Variants in FGFR1 observed in about 807,000 individuals in gnomAD.
The protein encoded by FGFR1 is fibroblast growth factor receptor 1.
A neutral mutation model predicts 93.7 loss-of-function variants in FGFR1; 18 were observed. The observed-to-expected ratio is 0.19, with a 90% CI of 0.13 to 0.28. The LOEUF (loss-of-function observed/expected upper bound fraction) is 0.28, where lower values mean the gene tolerates loss of function less well. Ranked by LOEUF, FGFR1 falls within the 10% of genes least tolerant of loss-of-function variation. The pLI is 1.00. For synonymous variants in FGFR1, 448 were observed against 429.3 expected (o/e 1.04, Z -0.54); for missense variants, 731 against 1,080.4 (o/e 0.68, Z 4.53).
At chr8:38,423,256 G>A (rs916284659) in intron 7 of FGFR1, 1 of 745,362 alleles carries the variant, frequency 1.3e-6, no homozygotes, top group African/African-American at 1.7e-5. Context: ...TAACTTTCAG[G>A]CAGGCCCAGG....
chr8:38,417,636 T>C (rs1817163535), intron 11 of FGFR1: 2 of 720,044 alleles, frequency 2.8e-6, no homozygotes, highest in South Asian at 3.3e-5. Flanking sequence ...CTGCAAGCGA[T>C]GGATCCAGGA....
chr8:38,463,872 A>G (rs1388882476), intron 1 of FGFR1, among the ~76,000 whole-genome samples: 2 of 152,150 alleles, frequency 1.3e-5, no homozygotes, highest in Non-Finnish European at 2.9e-5. Context: ...TTGAGAGGGC[A>G]GGGGGCAAGT....
Position 38,464,501 on chromosome 8 carries a change from A to G in FGFR1, c.-89+3480T>C, listed in dbSNP as rs534816281. Among the ~76,000 whole-genome samples, 74 of 152,140 alleles carry G rather than the reference A, an allele frequency of 4.9e-4. 2 individuals are homozygous for G. Among genetic ancestry groups the G allele is most frequent in the African/African-American group, 1.7e-3 (69 of 41,518 alleles). On this transcript the variant is annotated intron_variant, in intron 1 of 17. Coordinates refer to ENST00000447712, the MANE Select transcript of FGFR1 (RefSeq NM_023110.3). ...AACATGGTTTCTTTCATTGCAGGGG[A>G]GAGATAAATGGTGGCGAGGAGAGAA...
intron 2 of FGFR1, among the ~76,000 whole-genome samples, chr8:38,451,564 C>T (rs921560097): frequency 6.6e-6 from 1 of 152,114 alleles, no homozygotes; most frequent in East Asian, 1.9e-4. Context: ...GACAAAGCCC[C>T]GCTTTGTGGT....
rs1822151745 is a variant in FGFR1 at position 38,429,668 on chromosome 8, G to A, written c.358+14C>T. On this transcript the variant is annotated intron_variant, in intron 3 of 17. Coordinates refer to ENST00000447712, the MANE Select transcript of FGFR1 (RefSeq NM_023110.3). The surrounding 1 kb of genome is among the most constrained non-coding windows in gnomAD (Gnocchi z 4.4). ...GGGTCTAGGGAGGGGCAAGGGCAGG[G>A]CTTGGCTACCAACCTGAAACATTGA... 3 of 1,560,550 alleles carry A rather than the reference G, an allele frequency of 1.9e-6. No individual in the cohort carries two copies. Among genetic ancestry groups the A allele is most frequent in the East Asian group, 4.8e-5 (2 of 41,606 alleles).
In FGFR1 at chr8:38,413,560, G is replaced by C; in HGVS notation, c.*68C>G. The C allele has an allele frequency of 6.6e-7, 1 of 1,508,596 alleles. No individual in the cohort carries two copies. The highest frequency in any genetic ancestry group is 9.0e-7 in the Non-Finnish European group (1 of 1,114,504). The allele number at this position is 1,508,596 out of a possible 1,614,324, so 93.5% of individuals were successfully genotyped here. A position where few individuals can be genotyped will look rare whatever the true frequency, so the allele number is the denominator to read the frequency against. On this transcript the variant is annotated 3_prime_UTR_variant, in exon 18 of 18. Coordinates refer to ENST00000447712, the MANE Select transcript of FGFR1 (RefSeq NM_023110.3). This position sits in a 1 kb window ranked among gnomAD's most constrained non-coding sequence, Gnocchi z 4.2. ...GGGGACAGGGACGGACAGGTGGTGGGCCCAGCAGGGGCTGTGGGTGAGGGT... is the reference window on the plus strand; with the variant it reads ...GGGGACAGGGACGGACAGGTGGTGGCCCCAGCAGGGGCTGTGGGTGAGGGT...
chr8:38,444,574 T>TTTTTTTTTG (rs1828713123), intron 2 of FGFR1, among the ~76,000 whole-genome samples: 7 of 149,406 alleles, frequency 4.7e-5, no homozygotes, highest in African/African-American at 7.4e-5. Flanking sequence ...TTTTTTTTTG[T>TTTTTTTTTG]AGAGACAGGG....
In FGFR1 at chr8:38,426,144, G is replaced by A. The variant is rs747525731; in HGVS notation, c.723C>T (p.His241=). Reference sequence around the variant, plus strand: ...TACCCACGACATCCAGCTGGTATGTGTGGTTGATGCTGCCGTACTCATTCT... The same window carrying A: ...TACCCACGACATCCAGCTGGTATGTATGGTTGATGCTGCCGTACTCATTCT... The part of the protein sequence containing the change: ...IVENEYGSIN[H]TYQLDVVERS... The change falls in exon 6 of 18, where the codon CAC becomes CAT. Residue 241 remains histidine, a synonymous_variant. Coordinates refer to ENST00000447712, the MANE Select transcript of FGFR1 (RefSeq NM_023110.3). The surrounding 1 kb of genome is among the most constrained non-coding windows in gnomAD (Gnocchi z 4.1). 1.9e-6 allele frequency: 3 copies of A among 1,614,158 alleles called. No homozygotes were observed. In the Admixed American group the frequency reaches 5.0e-5, roughly 27 times the overall value.
At chr8:38,461,796 A>G (rs998764044) in intron 1 of FGFR1, among the ~76,000 whole-genome samples, 1 of 152,178 alleles carries the variant, frequency 6.6e-6, no homozygotes, top group Non-Finnish European at 1.5e-5. Flanking sequence ...TCTCCTCTCT[A>G]AAGTACCAAC....
intron 2 of FGFR1, among the ~76,000 whole-genome samples, chr8:38,446,537 C>T (rs1433504989): frequency 1.3e-5 from 2 of 151,878 alleles, no homozygotes. Context: ...CTTAGCCTCC[C>T]GAGTAGCTGG....
intron 7 of FGFR1, chr8:38,423,312 GTTT>G (rs58594253): frequency 0.018 from 6,470 of 350,030 alleles, no homozygotes; most frequent in East Asian, 0.03. Flanking sequence ...TTCCCTTTTA[GTTT>G]TTTTTTTTTT....
In FGFR1 at chr8:38,445,092, T is replaced by C. The variant is rs148897379; in HGVS notation, c.91+12264A>G. ...CCTGTCCCAGCCCTAACCAATGTCC[T>C]GTTTCACCTGGGTCTTGTGAGATGA... On this transcript the variant is annotated intron_variant, in intron 2 of 17. Transcript: ENST00000447712. Among the ~76,000 whole-genome samples the C allele has an allele frequency of 1.9e-3, 294 of 152,314 alleles. 1 individual carries two copies. Among genetic ancestry groups the C allele is most frequent in the African/African-American group, 6.2e-3 (259 of 41,580 alleles).
In FGFR1 at chr8:38,412,939, C is replaced by T. The variant is rs1814872586; in HGVS notation, c.*689G>A. 1 of 233,424 alleles carries T rather than the reference C, an allele frequency of 4.3e-6. No homozygotes were observed. The highest frequency in any genetic ancestry group is 5.6e-5 in the Admixed American group (1 of 17,788). 14.5% of individuals were successfully genotyped at this position (233,424 alleles called of 1,614,324 possible). ...CGATGGGTAAATCTCTGGTAACGACCCTTTTAAAAAGACATGTAAATATAT... is the reference window on the plus strand; with the variant it reads ...CGATGGGTAAATCTCTGGTAACGACTCTTTTAAAAAGACATGTAAATATAT... On this transcript the variant is annotated 3_prime_UTR_variant, in exon 18 of 18. Coordinates refer to ENST00000447712, the MANE Select transcript of FGFR1 (RefSeq NM_023110.3).
Position 38,447,376 on chromosome 8 carries a change from C to A in FGFR1, c.91+9980G>T, listed in dbSNP as rs144441399. Among the ~76,000 whole-genome samples the A allele has an allele frequency of 7.1e-3, 1,084 of 152,292 alleles. 6 individuals carry two copies. The highest frequency in any genetic ancestry group is 0.015 in the Admixed American group (222 of 15,294). On this transcript the variant is annotated intron_variant, in intron 2 of 17. Coordinates refer to ENST00000447712, the MANE Select transcript of FGFR1 (RefSeq NM_023110.3). Reference sequence around the variant, plus strand: ...TATAAACTTAAGATAGGTTACTTAACCCCTCAAACCTCAGTTTACTCATCT... The same window carrying A: ...TATAAACTTAAGATAGGTTACTTAAACCCTCAAACCTCAGTTTACTCATCT...
At chr8:38,458,804 A>G (rs1833627264) in intron 1 of FGFR1, 1 of 221,268 alleles carries the variant, frequency 4.5e-6, no homozygotes. Flanking sequence ...TAGTTCTACC[A>G]GCCTCCCTTG....
intron 2 of FGFR1, among the ~76,000 whole-genome samples, chr8:38,436,241 G>T (rs747530471): frequency 8.5e-5 from 13 of 152,078 alleles, no homozygotes; most frequent in Non-Finnish European, 2.9e-5. Flanking sequence ...CAGGCATAGT[G>T]GTGCATGCCT....
chr8:38,460,132 G>A (rs893129987), intron 1 of FGFR1, among the ~76,000 whole-genome samples: 7 of 152,120 alleles, frequency 4.6e-5, no homozygotes, highest in African/African-American at 1.4e-4. Flanking sequence ...GCAGTGAGCC[G>A]AGATTGCATC....
In FGFR1 at chr8:38,413,633, G is replaced by A. The variant is rs17182463; in HGVS notation, c.2464C>T (p.Arg822Cys). ...AQLANGGLKR[R>C] ...GGAGGGCGTGTGGGTGGCAGTCAGC[G>A]GCGTTTGAGTCCGCCATTGGCAAGC... The change falls in exon 18 of 18, where the codon CGC becomes TGC. Residue 822 changes from arginine to cysteine, a missense_variant. Arg to Cys is a radical substitution (Grantham distance 180, BLOSUM62 -3). This residue lies in a region of FGFR1 where 79 missense variants were observed against 97.2 expected (regional missense o/e 0.81). Coordinates refer to ENST00000447712, the MANE Select transcript of FGFR1 (RefSeq NM_023110.3). The surrounding 1 kb of genome is among the most constrained non-coding windows in gnomAD (Gnocchi z 4.2). The A allele has an allele frequency of 3.3e-4, 526 of 1,608,900 alleles. No homozygotes were observed. Among genetic ancestry groups the A allele is most frequent in the Admixed American group, 7.3e-4 (43 of 59,158 alleles).
At chr8:38,420,549 C>T (rs374039916) in intron 8 of FGFR1, among the ~76,000 whole-genome samples, 1 of 152,070 alleles carries the variant, frequency 6.6e-6, no homozygotes, top group Non-Finnish European at 1.5e-5. Context: ...TTAGGACTCA[C>T]CCCCCACCCC....
Sources: allele counts gnomAD v4.1 joint callset (sites outside exome capture counted in the v4.1 genomes callset), GRCh38; gene constraint gnomAD v4.1.1; regional missense constraint gnomAD v4.1.1; non-coding constraint Gnocchi (gnomAD v3.1); transcripts MANE v1.5; gene names NCBI Gene and HGNC (gene_info 2026-07-23, HGNC 2026-07-21).